DAB1: variants seen among roughly 807,000 people sequenced by gnomAD.
The protein encoded by DAB1 is disabled homolog 1.
DAB1 carries 15 observed loss-of-function variants against 64.6 expected under a neutral mutation model. The ratio of observed to expected loss-of-function variants is 0.23; its 90% CI spans 0.16 to 0.36. The LOEUF (loss-of-function observed/expected upper bound fraction) is 0.36. Among genes scored for constraint, DAB1 ranks in the 10% least tolerant of loss-of-function variants. The pLI, the probability that DAB1 is intolerant of heterozygous loss-of-function variation, is 1.00. For missense variants in DAB1, 596 were observed against 706.7 expected, an observed-to-expected ratio of 0.84 and a Z score of 1.78; for synonymous variants, 235 against 251.9, an observed-to-expected ratio of 0.93 and a Z score of 0.64.
At chr1:57,550,739 C>T (rs1245360010) in intron 7 of DAB1, among the ~76,000 whole-genome samples, 1 of 152,132 alleles carries the variant, frequency 6.6e-6, no homozygotes, top group Non-Finnish European at 1.5e-5. Context: ...TTTCTTAGTG[C>T]TTAACACAGA....
At chr1:57,023,113 C>T in intron 11 of DAB1, among the ~76,000 whole-genome samples, 1 of 152,204 alleles carries the variant, frequency 6.6e-6, no homozygotes, top group East Asian at 1.9e-4. Flanking sequence ...TTCCTTGAGT[C>T]AGCACCAAGT....
chr1:57,007,435 T>A (rs1441582852), intron 14 of DAB1, among the ~76,000 whole-genome samples: 1 of 152,230 alleles, frequency 6.6e-6, no homozygotes, highest in Admixed American at 6.5e-5. Flanking sequence ...CCAGTCATTA[T>A]AATATTATTT....
chr1:57,164,958 T>C (rs1252679862), intron 2 of DAB1, among the ~76,000 whole-genome samples: 1 of 152,182 alleles, frequency 6.6e-6, no homozygotes, highest in Non-Finnish European at 1.5e-5. Context: ...ACAGTTACTC[T>C]GTACTTGCTG....
At chr1:57,602,515 A>G (rs1001920063) in intron 7 of DAB1, among the ~76,000 whole-genome samples, 15 of 152,138 alleles carry the variant, frequency 9.9e-5, no homozygotes, top group African/African-American at 3.6e-4. Flanking sequence ...AGAGTTAATG[A>G]AAGGATGAGG....
In DAB1 at chr1:58,041,314, C is replaced by T. The variant is rs149747446; in HGVS notation, n.387+109197G>A. On this transcript the variant is annotated intron_variant and non_coding_transcript_variant, in intron 5 of 20. Transcript: ENST00000485760. The stretch of plus-strand genomic sequence containing the variant: ...ATCTCTCCTAGGCTGAGATTATTGA[C>T]GCTGGAGCCACATCTTTTCATCTCT... Among the ~76,000 whole-genome samples, 62 of 152,278 alleles carry T rather than the reference C, an allele frequency of 4.1e-4. 1 individual carries two copies. The highest frequency in any genetic ancestry group is 1.3e-3 in the African/African-American group (52 of 41,554).
chr1:58,118,609 C>CAT (rs774322526), intron 5 of DAB1, among the ~76,000 whole-genome samples: 1,165 of 109,614 alleles, frequency 0.011, 21 homozygotes, highest in African/African-American at 0.04. Flanking sequence ...TATATATATA[C>CAT]ATATATATAT....
chr1:58,089,291 G>A lies in DAB1; in HGVS notation n.387+61220C>T, dbSNP rs147009949. Among the ~76,000 whole-genome samples the A allele has an allele frequency of 4.8e-3, 738 of 152,358 alleles. 2 individuals carry two copies. The highest frequency in any genetic ancestry group is 9.4e-3 in the African/African-American group (389 of 41,574). The stretch of plus-strand genomic sequence containing the variant: ...CATAGAGCTATCACAGCTGCCTTGC[G>A]GCATTGTTGCAAGGGTTAAATGAGA... On this transcript the variant is annotated intron_variant and non_coding_transcript_variant, in intron 5 of 20. Transcript: ENST00000485760.
At chr1:58,094,106 G>T (rs144412657) in intron 5 of DAB1, among the ~76,000 whole-genome samples, 1 of 152,170 alleles carries the variant, frequency 6.6e-6, no homozygotes, top group African/African-American at 2.4e-5. Flanking sequence ...CCCTCTACTG[G>T]ATAGGCCTAC....
Position 57,565,202 on chromosome 1 carries a change from C to A in DAB1, n.625+84390G>T, listed in dbSNP as rs146784797. ...TTCATAAGTGAAGGAGAAATAAAAT[C>A]CTTTCCAGACAAGCAAATGCTGAGA... On this transcript the variant is annotated intron_variant and non_coding_transcript_variant, in intron 7 of 20. Coordinates refer to the DAB1 transcript ENST00000485760. Among the ~76,000 whole-genome samples, 1,011 of 152,200 alleles carry A rather than the reference C, an allele frequency of 6.6e-3. 9 individuals carry two copies. Among genetic ancestry groups the A allele is most frequent in the African/African-American group, 0.023 (975 of 41,514 alleles).
chr1:58,384,289 G>A lies in DAB1; in HGVS notation n.258-40886C>T, dbSNP rs554126793. ...TGCTAAGTAAAATAAGTGAGTCACAGAAAGACAAACACTGCAAATTTCTCT... is the reference window on the plus strand; with the variant it reads ...TGCTAAGTAAAATAAGTGAGTCACAAAAAGACAAACACTGCAAATTTCTCT... On this transcript the variant is annotated intron_variant and non_coding_transcript_variant, in intron 3 of 20. Transcript: ENST00000485760. Among the ~76,000 whole-genome samples, 3 of 152,246 alleles carry A rather than the reference G, an allele frequency of 2.0e-5. No individual in the cohort carries two copies. In the South Asian group the frequency reaches 6.2e-4, roughly 32 times the overall value.
chr1:57,022,132 A>T (rs1014962712), intron 11 of DAB1, among the ~76,000 whole-genome samples: 4 of 152,228 alleles, frequency 2.6e-5, no homozygotes, highest in African/African-American at 4.8e-5. Flanking sequence ...GACCTGGAAC[A>T]TAGAGGGCAC....
chr1:57,920,286 G>C (rs1458694772), intron 5 of DAB1, among the ~76,000 whole-genome samples: 1 of 152,134 alleles, frequency 6.6e-6, no homozygotes, highest in Non-Finnish European at 1.5e-5. Context: ...CTCTGTAAGA[G>C]AGACAGCATC....
intron 5 of DAB1, among the ~76,000 whole-genome samples, chr1:58,012,525 C>G (rs1288443702): frequency 1.3e-5 from 2 of 152,112 alleles, no homozygotes; most frequent in Non-Finnish European, 2.9e-5. Flanking sequence ...TCCCCAAACA[C>G]AAACATATGT....
At chr1:58,070,666 C>T (rs2100570090) in intron 5 of DAB1, among the ~76,000 whole-genome samples, 1 of 152,230 alleles carries the variant, frequency 6.6e-6, no homozygotes, top group South Asian at 2.1e-4. Context: ...GGATGCAGGC[C>T]TGTGGCTAGG....
chr1:57,853,652 T>C (rs1653630731), intron 1 of DAB1, among the ~76,000 whole-genome samples: 1 of 152,240 alleles, frequency 6.6e-6, no homozygotes, highest in Non-Finnish European at 1.5e-5. Context: ...TGTCTCAATA[T>C]GAAACATTTC....
At chr1:57,041,005 C>A (rs190800699) in intron 9 of DAB1, among the ~76,000 whole-genome samples, 1 of 152,052 alleles carries the variant, frequency 6.6e-6, no homozygotes, top group African/African-American at 2.4e-5. Context: ...CAAATGGTAA[C>A]AAGAAATATT....
intron 7 of DAB1, among the ~76,000 whole-genome samples, chr1:57,577,647 C>T (rs1645265942): frequency 6.6e-6 from 1 of 152,146 alleles, no homozygotes; most frequent in African/African-American, 2.4e-5. Flanking sequence ...AATGCCAGCT[C>T]TCATCAACCC....
intron 2 of DAB1, among the ~76,000 whole-genome samples, chr1:58,515,530 C>G (rs929381611): frequency 6.6e-6 from 1 of 152,082 alleles, no homozygotes; most frequent in African/African-American, 2.4e-5. Context: ...GATGAATACA[C>G]ACAAGCCTGT....
At chr1:57,018,640 TTGG>T (rs1646510353) in intron 11 of DAB1, among the ~76,000 whole-genome samples, 1 of 152,192 alleles carries the variant, frequency 6.6e-6, no homozygotes, top group Non-Finnish European at 1.5e-5. Flanking sequence ...GATGCCCATT[TTGG>T]TGAATGAGTG....
Sources: gnomAD v4.1 joint callset for allele counts (sites outside exome capture counted in the v4.1 genomes callset) on GRCh38, gnomAD v4.1.1 for gene constraint, MANE v1.5 for transcripts, NCBI Gene and HGNC (gene_info 2026-07-23, HGNC 2026-07-21) for gene names.